Variants in HTRA1 observed in about 807,000 individuals in gnomAD.
HTRA1 encodes the protein serine protease HTRA1.
A neutral mutation model predicts 49.7 loss-of-function variants in HTRA1; 26 were observed. The ratio of observed to expected loss-of-function variants is 0.52; its 90% CI spans 0.38 to 0.73. The LOEUF is 0.73. Ranked by LOEUF, HTRA1 falls within the 30% of genes least tolerant of loss-of-function variation. HTRA1 has a pLI of 0.00. For synonymous variants in HTRA1, 291 were observed against 286.9 expected (o/e 1.01, Z -0.14); for missense variants, 561 against 667.2 (o/e 0.84, Z 1.75).
rs754158219 is a variant in HTRA1 at position 122,489,529 on chromosome 10, G to A, written c.680G>A (p.Arg227Gln). 5.6e-6 allele frequency: 9 copies of A among 1,614,064 alleles called. No homozygotes were observed. The highest frequency in any genetic ancestry group is 4.5e-5 in the East Asian group (2 of 44,888). Residue 227 changes from arginine to glutamine, a missense_variant, in exon 3 of 9, where the codon CGG becomes CAG. Coordinates refer to ENST00000368984, the MANE Select transcript of HTRA1 (RefSeq NM_002775.5). The part of the protein sequence containing the change: ...TNAHVVTNKH[R>Q]VKVELKNGAT... Reference sequence around the variant, plus strand: ...GCCCACGTGGTGACCAACAAGCACCGGGTCAAAGTTGAGCTGAAGAACGGT... The same window carrying A: ...GCCCACGTGGTGACCAACAAGCACCAGGTCAAAGTTGAGCTGAAGAACGGT...
Position 122,494,499 on chromosome 10 carries a change from T to A in HTRA1, c.777+4873T>A, listed in dbSNP as rs2097497600. On this transcript the variant is annotated intron_variant, in intron 3 of 8. Transcript: ENST00000368984. The surrounding 1 kb of genome is among the most constrained non-coding windows in gnomAD (Gnocchi z 4.0). ...GGTCCTGTCAGGGCTACAGCAGGTC[T>A]ATGGTCTTTGGTAACGGAAAGCGCT... Among the ~76,000 whole-genome samples, 1 of 152,238 alleles carries A rather than the reference T, an allele frequency of 6.6e-6. No homozygotes were observed. Among genetic ancestry groups the A allele is most frequent in the Non-Finnish European group, 1.5e-5 (1 of 68,044 alleles).
At chr10:122,485,568 T>G (rs2097492744) in intron 1 of HTRA1, among the ~76,000 whole-genome samples, 1 of 152,188 alleles carries the variant, frequency 6.6e-6, no homozygotes. Context: ...CTCAGTGGAC[T>G]GAGGCTGGAA....
chr10:122,469,680 C>A (rs148815080), intron 1 of HTRA1, among the ~76,000 whole-genome samples: 34 of 152,226 alleles, frequency 2.2e-4, no homozygotes, highest in African/African-American at 8.2e-4. Context: ...AGAGGCAGGG[C>A]ATTATCCTTG....
rs71026021 is a variant in HTRA1 at position 122,496,228 on chromosome 10, C to CTT, written c.777+6632_777+6633dup. On this transcript the variant is annotated intron_variant, in intron 3 of 8. Coordinates refer to ENST00000368984, the MANE Select transcript of HTRA1 (RefSeq NM_002775.5). The stretch of plus-strand genomic sequence containing the variant: ...TTTCGTTTGCCAGAGATTGTGGGTT[C>CTT]TTTTTTTTTTTTTTTTTTTTTTTTT... Among the ~76,000 whole-genome samples the CTT allele has an allele frequency of 2.9e-4, 22 of 75,676 alleles. 1 individual carries two copies. Among genetic ancestry groups the CTT allele is most frequent in the African/African-American group, 1.1e-3 (21 of 18,560 alleles). 49.6% of individuals were successfully genotyped at this position (75,676 alleles called of 152,430 possible). A position where few individuals can be genotyped will look rare whatever the true frequency, so the allele number is the denominator to read the frequency against.
At chr10:122,514,043 G>A in intron 8 of HTRA1, 148 bp from the exon 9 acceptor site, 2 of 822,752 alleles carry the variant, frequency 2.4e-6, no homozygotes, top group Non-Finnish European at 4.1e-6. Context: ...CTGACCCACT[G>A]ATGGTTTGAA....
At chr10:122,496,492 T>C (rs1355951408) in intron 3 of HTRA1, among the ~76,000 whole-genome samples, 4 of 152,010 alleles carry the variant, frequency 2.6e-5, no homozygotes, top group Non-Finnish European at 5.9e-5. Context: ...GGCCAAATAC[T>C]TCTTAGGTGC....
intron 5 of HTRA1, 73 bp downstream of exon 5, chr10:122,507,475 G>GT: frequency 8.8e-7 from 1 of 1,138,794 alleles, no homozygotes; most frequent in Non-Finnish European, 1.3e-6. Context: ...TTGTTTGTTT[G>GT]TTGTTTGTTT....
intron 3 of HTRA1, among the ~76,000 whole-genome samples, chr10:122,504,683 C>T (rs1477449485): frequency 1.3e-5 from 2 of 152,196 alleles, no homozygotes; most frequent in Non-Finnish European, 2.9e-5. Context: ...TGGCCTAGTG[C>T]ACATCCCAGC....
At chr10:122,479,948 G>A (rs933987618) in intron 1 of HTRA1, among the ~76,000 whole-genome samples, 3 of 152,168 alleles carry the variant, frequency 2.0e-5, no homozygotes, top group Non-Finnish European at 4.4e-5. Context: ...ACTTGGAGGT[G>A]TTGAAATGCA....
At position 122,488,881 on chromosome 10, in the gene HTRA1, A is replaced by G. The variant is rs375585286; in HGVS notation, c.473-21A>G. On this transcript the variant is annotated intron_variant, in intron 1 of 8. Transcript: ENST00000368984. Reference sequence around the variant, plus strand: ...CACAGCAGAGTGTCATTAAGTATCTATTCTTTGCTTTTGTTCTCAGGGCAG... The same window carrying G: ...CACAGCAGAGTGTCATTAAGTATCTGTTCTTTGCTTTTGTTCTCAGGGCAG... 6.3e-6 allele frequency: 10 copies of G among 1,592,362 alleles called. No homozygotes were observed. In the African/African-American group the frequency reaches 1.1e-4, roughly 17 times the overall value.
chr10:122,511,655 C>T (rs2097505623), intron 7 of HTRA1, among the ~76,000 whole-genome samples: 1 of 151,592 alleles, frequency 6.6e-6, no homozygotes, highest in Admixed American at 6.6e-5. Flanking sequence ...ATTGCTTGAA[C>T]CCGGGATATG....
At chr10:122,489,339 T>C (rs2133438597) in intron 2 of HTRA1, 83 bp from the exon 3 acceptor site, 1 of 1,250,026 alleles carries the variant, frequency 8.0e-7, no homozygotes, top group East Asian at 2.3e-5. Context: ...TGTGTGTGGC[T>C]GTTGCACAAC....
At chr10:122,508,949 C>A (rs1287972451) in intron 6 of HTRA1, among the ~76,000 whole-genome samples, 179 bp downstream of exon 6, 1 of 152,216 alleles carries the variant, frequency 6.6e-6, no homozygotes, top group Non-Finnish European at 1.5e-5. Flanking sequence ...AGACATTTCA[C>A]CATTTTTGTC....
chr10:122,470,996 C>T (rs1365594506), intron 1 of HTRA1, among the ~76,000 whole-genome samples: 2 of 152,122 alleles, frequency 1.3e-5, no homozygotes, highest in Non-Finnish European at 2.9e-5. Flanking sequence ...AGGGCAGATG[C>T]GTTGGTCCAG....
chr10:122,476,478 T>C (rs1400120666), intron 1 of HTRA1, among the ~76,000 whole-genome samples: 1 of 152,232 alleles, frequency 6.6e-6, no homozygotes, highest in African/African-American at 2.4e-5. Flanking sequence ...CAGGTGCCTG[T>C]GGCTCGTCCA....
At chr10:122,472,065 C>G (rs1053701399) in intron 1 of HTRA1, among the ~76,000 whole-genome samples, 1 of 152,092 alleles carries the variant, frequency 6.6e-6, no homozygotes, top group African/African-American at 2.4e-5. Context: ...GGGAAAATAT[C>G]AGTATAAATA....
intron 3 of HTRA1, among the ~76,000 whole-genome samples, chr10:122,495,404 G>A (rs1193811216): frequency 1.3e-5 from 2 of 152,168 alleles, no homozygotes; most frequent in East Asian, 1.9e-4. Context: ...TAGGGGGACG[G>A]GAATCAATAT....
chr10:122,497,162 C>T lies in HTRA1; in HGVS notation c.777+7536C>T, dbSNP rs1161049425. ...CGAATTAACAGTTCCTTTGGTTAAA[C>T]AAAGCACCAGAATCTGATAATGGGA... On this transcript the variant is annotated intron_variant, in intron 3 of 8. Transcript: ENST00000368984. 2.6e-5 allele frequency among the ~76,000 whole-genome samples: 4 copies of T among 152,154 alleles called. No individual in the cohort carries two copies. In the East Asian group the frequency reaches 5.8e-4, roughly 22 times the overall value.
At chr10:122,483,547 C>A (rs1199912139) in intron 1 of HTRA1, among the ~76,000 whole-genome samples, 4 of 152,170 alleles carry the variant, frequency 2.6e-5, no homozygotes, top group Non-Finnish European at 5.9e-5. Context: ...TGGAGAATTA[C>A]TCTGGATTGT....
Sources: allele counts gnomAD v4.1 joint callset (sites outside exome capture counted in the v4.1 genomes callset), GRCh38; gene constraint gnomAD v4.1.1; non-coding constraint Gnocchi (gnomAD v3.1); transcripts MANE v1.5; gene names NCBI Gene and HGNC (gene_info 2026-07-23, HGNC 2026-07-21).